Variants in SYT1 observed in about 807,000 individuals in gnomAD.
SYT1 encodes the protein synaptotagmin 1.
In SYT1, 8 loss-of-function variants were observed where a neutral mutation model predicts 44.8. The ratio of observed to expected loss-of-function variants is 0.18; its 90% confidence interval spans 0.10 to 0.32. The LOEUF is 0.32. SYT1 is among the 10% of genes least tolerant of loss of function. The pLI is 1.00. For synonymous variants in SYT1, 154 were observed against 188.8 expected, an observed-to-expected ratio of 0.82 and a Z score of 1.51; for missense variants, 286 against 509.3, an observed-to-expected ratio of 0.56 and a Z score of 4.22.
At position 79,305,400 on chromosome 12, in the gene SYT1, C is replaced by A. The variant is rs370574614; in HGVS notation, c.810+5849C>A. ...CCTGCCTTCCTTGTCACAGTGATAACCACCCAAAGGTCTGGTCTCACAGCC... is the reference window on the plus strand; with the variant it reads ...CCTGCCTTCCTTGTCACAGTGATAAACACCCAAAGGTCTGGTCTCACAGCC... On this transcript the variant is annotated intron_variant, in intron 8 of 10. Transcript: ENST00000261205. 7.2e-5 allele frequency among the ~76,000 whole-genome samples: 11 copies of A among 152,236 alleles called. 1 individual carries two copies. The highest frequency in any genetic ancestry group is 3.3e-4 in the Admixed American group (5 of 15,296).
At chr12:78,873,522 A>G (rs1565695873) in intron 1 of SYT1, among the ~76,000 whole-genome samples, 2 of 151,832 alleles carry the variant, frequency 1.3e-5, no homozygotes, top group Admixed American at 6.6e-5. Flanking sequence ...AGTCATTGCT[A>G]TATCACTGTG....
intron 9 of SYT1, among the ~76,000 whole-genome samples, chr12:79,416,881 A>G (rs1424130528): frequency 6.6e-6 from 1 of 152,212 alleles, no homozygotes; most frequent in Non-Finnish European, 1.5e-5. Context: ...AAGGAAACAT[A>G]AAAGAATAGC....
chr12:78,914,632 T>C (rs1876542954), intron 1 of SYT1, among the ~76,000 whole-genome samples: 1 of 151,302 alleles, frequency 6.6e-6, no homozygotes, highest in Admixed American at 6.6e-5. Flanking sequence ...TAAGTTTAAA[T>C]AGACATATGA....
At chr12:79,300,792 TATATATATATA>T (rs1880106551) in intron 8 of SYT1, among the ~76,000 whole-genome samples, 11 of 74,878 alleles carry the variant, frequency 1.5e-4, no homozygotes, top group East Asian at 1.3e-3. Context: ...ATACTTATTA[TATATATATATA>T]TATATATATA....
intron 1 of SYT1, among the ~76,000 whole-genome samples, chr12:78,927,886 G>A (rs1215176982): frequency 6.6e-6 from 1 of 152,034 alleles, no homozygotes; most frequent in Non-Finnish European, 1.5e-5. Context: ...TTGCATTTAT[G>A]TTACTTCATT....
In SYT1 at chr12:79,293,966, T is replaced by C. The variant is rs1169293771; in HGVS notation, c.474+1836T>C. ...ATTTGGTTAGGAGCAAAACCTCTTA[T>C]TTATATATTCTAGGAAAGATCAAGG... On this transcript the variant is annotated intron_variant, in intron 6 of 10. Coordinates refer to ENST00000261205, the MANE Select transcript of SYT1 (RefSeq NM_005639.3). 2.6e-5 allele frequency among the ~76,000 whole-genome samples: 4 copies of C among 152,144 alleles called. No individual in the cohort carries two copies. The East Asian group carries it at 5.8e-4, about 22-fold the overall frequency.
At chr12:79,215,410 T>G (rs561918303) in intron 3 of SYT1, among the ~76,000 whole-genome samples, 115 of 152,202 alleles carry the variant, frequency 7.6e-4, no homozygotes, top group Non-Finnish European at 1.5e-3. Flanking sequence ...CCTTACAGAT[T>G]TGGTCTGATT....
intron 2 of SYT1, among the ~76,000 whole-genome samples, chr12:79,013,714 C>T (rs1871580118): frequency 6.6e-6 from 1 of 152,062 alleles, no homozygotes; most frequent in African/African-American, 2.4e-5. Context: ...TATATAAAGC[C>T]ACTTTTATTC....
intron 2 of SYT1, among the ~76,000 whole-genome samples, chr12:78,991,241 T>C (rs768616034): frequency 1.3e-5 from 2 of 152,104 alleles, no homozygotes; most frequent in African/African-American, 4.8e-5. Context: ...TGAGAAGTTA[T>C]GTAGTTCTTG....
At chr12:79,253,420 A>G (rs1271825035) in intron 4 of SYT1, among the ~76,000 whole-genome samples, 3 of 151,896 alleles carry the variant, frequency 2.0e-5, no homozygotes, top group African/African-American at 7.3e-5. Flanking sequence ...CCCATATGAG[A>G]CAGTAAACGT....
intron 2 of SYT1, among the ~76,000 whole-genome samples, chr12:78,993,071 C>T (rs1180752353): frequency 6.6e-6 from 1 of 152,130 alleles, no homozygotes; most frequent in East Asian, 1.9e-4. Flanking sequence ...AATCCCTGTG[C>T]ATCTACCTGC....
In SYT1 at chr12:79,353,662, G is replaced by A. The variant is rs112781837; in HGVS notation, c.928+43G>A. ...ATTGATTTTTTTCAAATGCTGTTTCGTCGTGGATACCAAATGCATGGCGCA... is the reference window on the plus strand; with the variant it reads ...ATTGATTTTTTTCAAATGCTGTTTCATCGTGGATACCAAATGCATGGCGCA... On this transcript the variant is annotated intron_variant, in intron 9 of 10. Transcript: ENST00000261205. The A allele has an allele frequency of 1.8e-3, 2,580 of 1,415,208 alleles. 32 individuals are homozygous for A. The African/African-American group carries it at 0.031, about 17-fold the overall frequency. 87.7% of individuals were successfully genotyped at this position (1,415,208 alleles called of 1,614,324 possible).
chr12:79,217,259 A>C, intron 3 of SYT1, among the ~76,000 whole-genome samples: 1 of 152,250 alleles, frequency 6.6e-6, no homozygotes, highest in East Asian at 1.9e-4. Flanking sequence ...CAGTATACAT[A>C]GTATTGCTGG....
intron 4 of SYT1, among the ~76,000 whole-genome samples, chr12:79,218,973 CCCA>C (rs752587512): frequency 1.3e-5 from 2 of 152,152 alleles, no homozygotes; most frequent in Non-Finnish European, 2.9e-5. Context: ...AATTTACATT[CCCA>C]CCAACAGTGT....
intron 2 of SYT1, among the ~76,000 whole-genome samples, chr12:78,982,498 C>A (rs529803840): frequency 2.0e-5 from 3 of 152,076 alleles, no homozygotes; most frequent in Non-Finnish European, 2.9e-5. Context: ...CCCTCCTTTC[C>A]GTTCCATTTT....
At chr12:79,141,319 T>C (rs1343213845) in intron 3 of SYT1, among the ~76,000 whole-genome samples, 1 of 152,176 alleles carries the variant, frequency 6.6e-6, no homozygotes, top group African/African-American at 2.4e-5. Flanking sequence ...ACACTCTATG[T>C]ATTCTTTATT....
intron 2 of SYT1, among the ~76,000 whole-genome samples, chr12:79,019,121 T>C (rs1872009846): frequency 6.6e-6 from 1 of 151,992 alleles, no homozygotes; most frequent in South Asian, 2.1e-4. Flanking sequence ...ACAAGCAGTT[T>C]TTGAAGTGTT....
chr12:79,129,414 A>G (rs1294596203), intron 3 of SYT1, among the ~76,000 whole-genome samples: 1 of 152,214 alleles, frequency 6.6e-6, no homozygotes, highest in Non-Finnish European at 1.5e-5. Context: ...CAATAGACCC[A>G]TAAAACTTTC....
intron 4 of SYT1, among the ~76,000 whole-genome samples, chr12:79,256,336 G>T (rs1024419524): frequency 1.3e-5 from 2 of 152,172 alleles, no homozygotes; most frequent in Admixed American, 6.5e-5. Context: ...TTGAAAACAG[G>T]AGCCCAAAAA....
Sources: gnomAD v4.1 joint callset for allele counts (sites outside exome capture counted in the v4.1 genomes callset) on GRCh38, gnomAD v4.1.1 for gene constraint, MANE v1.5 for transcripts, NCBI Gene and HGNC (gene_info 2026-07-23, HGNC 2026-07-21) for gene names.